Variants in MAN2A1 observed in about 807,000 individuals in gnomAD.
MAN2A1 encodes the protein mannosidase alpha class 2A member 1.
A neutral mutation model predicts 142.6 loss-of-function variants in MAN2A1; 76 were observed. The ratio of observed to expected loss-of-function variants is 0.53; its 90% CI spans 0.44 to 0.65. The LOEUF (loss-of-function observed/expected upper bound fraction) is 0.65, where lower values mean the gene tolerates loss of function less well. Among genes scored for constraint, MAN2A1 ranks in the 30% least tolerant of loss-of-function variants. MAN2A1 has a pLI of 0.00. For synonymous variants in MAN2A1, 559 were observed against 473.2 expected, an observed-to-expected ratio of 1.18 and a Z score of -2.35; for missense variants, 1,311 against 1,365.1, an observed-to-expected ratio of 0.96 and a Z score of 0.62.
At chr5:109,825,460 T>C (rs1298400026) in intron 16 of MAN2A1, among the ~76,000 whole-genome samples, 1 of 152,232 alleles carries the variant, frequency 6.6e-6, no homozygotes, top group Non-Finnish European at 1.5e-5. Flanking sequence ...CAATCAGGTA[T>C]ATTTGCATAA....
At chr5:109,824,301 A>G (rs1754704935) in intron 16 of MAN2A1, among the ~76,000 whole-genome samples, 2 of 152,218 alleles carry the variant, frequency 1.3e-5, no homozygotes, top group Non-Finnish European at 2.9e-5. Flanking sequence ...CCAGTAGAGT[A>G]TAAAACCTAG....
chr5:109,722,519 A>G (rs1490909112), intron 3 of MAN2A1, among the ~76,000 whole-genome samples: 2 of 152,098 alleles, frequency 1.3e-5, no homozygotes, highest in African/African-American at 4.8e-5. Context: ...GGTTCAAGCA[A>G]TTCTCCTGCC....
In MAN2A1 at chr5:109,713,611, T is replaced by C; in HGVS notation, c.227T>C (p.Val76Ala). The C allele has an allele frequency of 6.2e-7, 1 of 1,614,174 alleles. No individual in the cohort carries two copies. The highest frequency in any genetic ancestry group is 1.1e-5 in the South Asian group (1 of 91,084). The change falls in exon 2 of 22, where the codon GTC (valine) becomes GCC (alanine). Residue 76 changes from valine (V) to alanine (A), a missense_variant. By Grantham distance (64) the Val-to-Ala change is moderately conservative. Coordinates refer to ENST00000261483, the MANE Select transcript of MAN2A1 (RefSeq NM_002372.4). ...ATCATCTCAAATATTAGAGACTCAG[T>C]CATCAATTTGAGTGAGTCTGTGGAG... ...NEIISNIRDS[V>A]INLSESVEDG... is the part of the protein sequence containing the mutation.
At chr5:109,723,547 G>T (rs1379592418) in intron 3 of MAN2A1, among the ~76,000 whole-genome samples, 1 of 151,988 alleles carries the variant, frequency 6.6e-6, no homozygotes, top group Non-Finnish European at 1.5e-5. Flanking sequence ...ATTTTGCAGT[G>T]GTCTCATTTT....
chr5:109,823,903 T>C (rs569172250), intron 16 of MAN2A1, 66 bp downstream of exon 16: 2 of 735,310 alleles, frequency 2.7e-6, no homozygotes, highest in African/African-American at 1.8e-5. Flanking sequence ...GCTTTTCTTA[T>C]GCCATTCTTA....
intron 12 of MAN2A1, among the ~76,000 whole-genome samples, chr5:109,803,752 G>A (rs1344661964): frequency 6.6e-6 from 1 of 152,034 alleles, no homozygotes; most frequent in African/African-American, 2.4e-5. Context: ...AATAGCTGGT[G>A]TTAGTTTTGG....
chr5:109,704,468 T>C (rs1751074584), intron 1 of MAN2A1, among the ~76,000 whole-genome samples: 2 of 152,208 alleles, frequency 1.3e-5, no homozygotes, highest in Admixed American at 1.3e-4. Context: ...GAAAATACCA[T>C]TAAAAGGTTA....
intron 21 of MAN2A1, 102 bp from the exon 22 acceptor site, chr5:109,866,744 A>G: frequency 1.5e-6 from 1 of 673,660 alleles, no homozygotes. Flanking sequence ...ACTTCAACAT[A>G]CTGTTTTATT....
intron 4 of MAN2A1, among the ~76,000 whole-genome samples, chr5:109,735,526 A>G (rs1026681303): frequency 3.3e-5 from 5 of 151,886 alleles, no homozygotes; most frequent in South Asian, 2.1e-4. Context: ...GTTCCTTTCC[A>G]TGTTTAGTGC....
chr5:109,851,369 G>C (rs919926507), intron 19 of MAN2A1, among the ~76,000 whole-genome samples: 2 of 152,186 alleles, frequency 1.3e-5, no homozygotes, highest in African/African-American at 4.8e-5. Flanking sequence ...TTGAAAACTT[G>C]GCTACCATTG....
At chr5:109,836,092 TAAC>T (rs1051125299) in intron 16 of MAN2A1, among the ~76,000 whole-genome samples, 7 of 150,450 alleles carry the variant, frequency 4.7e-5, no homozygotes, top group Non-Finnish European at 7.4e-5. Context: ...CTTTTAATAA[TAAC>T]AATAATAATA....
intron 1 of MAN2A1, among the ~76,000 whole-genome samples, chr5:109,702,976 A>G (rs1751031807): frequency 6.6e-6 from 1 of 152,198 alleles, no homozygotes; most frequent in Admixed American, 6.5e-5. Context: ...TTCAGATGAG[A>G]CTTGCCTAAA....
At chr5:109,725,210 G>A (rs1432181497) in intron 3 of MAN2A1, among the ~76,000 whole-genome samples, 1 of 152,218 alleles carries the variant, frequency 6.6e-6, no homozygotes, top group African/African-American at 2.4e-5. Flanking sequence ...CTCTTGCCTG[G>A]AGAAATAGCT....
intron 4 of MAN2A1, among the ~76,000 whole-genome samples, chr5:109,751,675 T>C (rs189427389): frequency 6.6e-6 from 1 of 152,236 alleles, no homozygotes; most frequent in African/African-American, 2.4e-5. Flanking sequence ...TATTTCTAAG[T>C]CACAGTTATG....
intron 16 of MAN2A1, among the ~76,000 whole-genome samples, chr5:109,831,192 T>C (rs1754896863): frequency 6.6e-6 from 1 of 152,226 alleles, no homozygotes; most frequent in African/African-American, 2.4e-5. Flanking sequence ...AGTAGTAAAA[T>C]CAGCTTCAGA....
intron 21 of MAN2A1, 114 bp from the exon 22 acceptor site, chr5:109,866,725 CAAAAGAG>C: frequency 1.7e-6 from 1 of 584,358 alleles, no homozygotes. Context: ...CTTTTTTCCT[CAAAAGAG>C]AACTTCAACA....
Position 109,767,614 on chromosome 5 carries a change from A to G in MAN2A1, c.915A>G (p.Gly305=), listed in dbSNP as rs924981755. The G allele has an allele frequency of 3.7e-6, 6 of 1,613,644 alleles. No homozygotes were observed. The highest frequency in any genetic ancestry group is 5.1e-6 in the Non-Finnish European group (6 of 1,179,730). Residue 305 remains glycine (G), a synonymous_variant, in exon 6 of 22, where the codon GGA becomes GGG. Coordinates refer to ENST00000261483, the MANE Select transcript of MAN2A1 (RefSeq NM_002372.4). ...PTMAYLLNRA[G]LSHMLIQRVH... is the part of the protein sequence containing the mutation. Reference sequence around the variant, plus strand: ...TGGCTTATCTTCTAAACCGTGCTGGACTTTCTCACATGCTTATCCAGAGAG... The same window carrying G: ...TGGCTTATCTTCTAAACCGTGCTGGGCTTTCTCACATGCTTATCCAGAGAG...
chr5:109,776,888 C>T (rs889787726), intron 8 of MAN2A1, among the ~76,000 whole-genome samples: 3 of 152,056 alleles, frequency 2.0e-5, no homozygotes, highest in African/African-American at 4.8e-5. Context: ...ATTATGTTTG[C>T]GAGAGTCATC....
At chr5:109,734,264 T>G (rs1239672468) in intron 4 of MAN2A1, among the ~76,000 whole-genome samples, 1 of 151,606 alleles carries the variant, frequency 6.6e-6, no homozygotes, top group East Asian at 1.9e-4. Context: ...TTCTTCTTTA[T>G]TAGTCTTGCT....
Sources: allele counts gnomAD v4.1 joint callset (sites outside exome capture counted in the v4.1 genomes callset), GRCh38; gene constraint gnomAD v4.1.1; transcripts MANE v1.5; gene names NCBI Gene and HGNC (gene_info 2026-07-23, HGNC 2026-07-21).